The following UMAD1 variants were observed in gnomAD, a reference collection of about 807,000 sequenced individuals.
The protein encoded by UMAD1 is UBAP1-MVB12-associated (UMA) domain containing 1, also known as UBAP1-MVB12-associated (UMA)-domain containing protein 1.
UMAD1 carries 8 observed loss-of-function variants against 6.1 expected under a neutral mutation model. The observed-to-expected ratio is 1.30, with a 90% CI of 0.76 to 2.35. The LOEUF (loss-of-function observed/expected upper bound fraction) is 2.35, where lower values mean the gene tolerates loss of function less well. UMAD1 is among the 30% of genes most tolerant of loss of function. UMAD1 has a pLI of 0.00. For missense variants in UMAD1, 130 were observed against 78.4 expected, an observed-to-expected ratio of 1.66 and a Z score of -2.49; for synonymous variants, 56 against 31.4, an observed-to-expected ratio of 1.78 and a Z score of -2.61.
chr7:7,749,579 G>C (rs1781638756), intron 2 of UMAD1, among the ~76,000 whole-genome samples: 1 of 152,130 alleles, frequency 6.6e-6, no homozygotes, highest in Admixed American at 6.5e-5. Context: ...GCTTCCTTCA[G>C]AAAAGTGAGA....
intron 1 of UMAD1, among the ~76,000 whole-genome samples, chr7:7,665,019 A>C (rs764432635): frequency 5.6e-5 from 8 of 141,910 alleles, no homozygotes; most frequent in African/African-American, 2.1e-4. Context: ...ATATATACAC[A>C]CACACACACA....
chr7:7,668,358 C>G (rs1399844331), intron 1 of UMAD1, among the ~76,000 whole-genome samples: 2 of 151,948 alleles, frequency 1.3e-5, no homozygotes, highest in Non-Finnish European at 2.9e-5. Context: ...CTTATGGCAA[C>G]TAAGTAAAAA....
chr7:7,709,711 T>G (rs1780702877), intron 2 of UMAD1, among the ~76,000 whole-genome samples: 1 of 152,226 alleles, frequency 6.6e-6, no homozygotes, highest in African/African-American at 2.4e-5. Flanking sequence ...ATCTTTAAAG[T>G]GACATCTTAC....
At chr7:7,691,197 C>T (rs1003416004) in intron 2 of UMAD1, among the ~76,000 whole-genome samples, 27 of 151,990 alleles carry the variant, frequency 1.8e-4, no homozygotes, top group Non-Finnish European at 3.7e-4. Context: ...TCCTTAAATT[C>T]TAGAAAGAGC....
chr7:7,878,694 G>C lies in UMAD1; in HGVS notation c.*1156G>C, dbSNP rs180845079. The C allele has an allele frequency of 2.0e-5, 3 of 149,710 alleles. No homozygotes were observed. Among genetic ancestry groups the C allele is most frequent in the African/African-American group, 7.2e-5 (3 of 41,380 alleles). The allele number at this position is 149,710 out of a possible 1,614,324, so 9.3% of individuals were successfully genotyped here. On this transcript the variant is annotated 3_prime_UTR_variant, in exon 4 of 4. Coordinates refer to ENST00000682710, the MANE Select transcript of UMAD1 (RefSeq NM_001302348.2). Reference sequence around the variant, plus strand: ...AGTTTTAAGTATATTTTTTCACAAAGATAGAGTGCCATAGTGAAACTAAAC... The same window carrying C: ...AGTTTTAAGTATATTTTTTCACAAACATAGAGTGCCATAGTGAAACTAAAC...
intron 3 of UMAD1, among the ~76,000 whole-genome samples, chr7:7,867,715 C>T (rs1257429778): frequency 1.3e-5 from 2 of 151,758 alleles, no homozygotes; most frequent in Non-Finnish European, 2.9e-5. Context: ...GTCTCAGCCT[C>T]GCTGTGAAAA....
At chr7:7,870,319 T>C (rs1370476621) in intron 3 of UMAD1, among the ~76,000 whole-genome samples, 3 of 152,202 alleles carry the variant, frequency 2.0e-5, no homozygotes, top group Non-Finnish European at 2.9e-5. Context: ...GCTAGGTTTA[T>C]GAAGAAACTA....
chr7:7,849,232 C>G (rs892685042), intron 3 of UMAD1, among the ~76,000 whole-genome samples: 1 of 152,128 alleles, frequency 6.6e-6, no homozygotes, highest in African/African-American at 2.4e-5. Flanking sequence ...ACTGCCCATC[C>G]CATTTCTTTT....
At chr7:7,737,557 T>A (rs6958302) in intron 2 of UMAD1, among the ~76,000 whole-genome samples, 45,044 of 151,964 alleles carry the variant, frequency 0.3, 7,675 homozygotes, top group African/African-American at 0.48. Flanking sequence ...ATGAAGAACT[T>A]AACCACTGGG....
intron 2 of UMAD1, among the ~76,000 whole-genome samples, chr7:7,712,724 A>G (rs558650699): frequency 6.6e-6 from 1 of 152,318 alleles, no homozygotes; most frequent in African/African-American, 2.4e-5. Context: ...AGAAGTGTCA[A>G]AGAAAACATC....
At chr7:7,860,662 T>C (rs1583878976) in intron 3 of UMAD1, among the ~76,000 whole-genome samples, 1 of 148,158 alleles carries the variant, frequency 6.7e-6, no homozygotes, top group Non-Finnish European at 1.5e-5. Flanking sequence ...GTAGTCCCAG[T>C]TACTCGGGAG....
At chr7:7,712,928 T>G (rs13242539) in intron 2 of UMAD1, among the ~76,000 whole-genome samples, 24,914 of 152,170 alleles carry the variant, frequency 0.16, 2,343 homozygotes, top group South Asian at 0.2. Flanking sequence ...AAAATTATCT[T>G]GGCCTCGTGT....
intron 1 of UMAD1, among the ~76,000 whole-genome samples, chr7:7,657,323 C>G (rs1284470591): frequency 6.6e-6 from 1 of 152,186 alleles, no homozygotes; most frequent in Non-Finnish European, 1.5e-5. Flanking sequence ...TTAATTAGAT[C>G]CCATTTGTCA....
intron 2 of UMAD1, among the ~76,000 whole-genome samples, chr7:7,722,579 C>A (rs1781071812): frequency 6.6e-6 from 1 of 152,114 alleles, no homozygotes; most frequent in African/African-American, 2.4e-5. Context: ...GTTCACTGGA[C>A]AAAGTGATGA....
chr7:7,728,205 A>T (rs1781177691), intron 2 of UMAD1, among the ~76,000 whole-genome samples: 1 of 152,170 alleles, frequency 6.6e-6, no homozygotes. Context: ...TAACTGTAGG[A>T]ATCTTTATAG....
At chr7:7,671,219 C>G (rs1779598083) in intron 1 of UMAD1, among the ~76,000 whole-genome samples, 1 of 152,146 alleles carries the variant, frequency 6.6e-6, no homozygotes, top group Non-Finnish European at 1.5e-5. Context: ...GTGTCAATAG[C>G]CAGACCTAAA....
intron 1 of UMAD1, among the ~76,000 whole-genome samples, chr7:7,645,948 G>C (rs983153701): frequency 9.9e-5 from 15 of 152,172 alleles, no homozygotes; most frequent in African/African-American, 3.1e-4. Context: ...GTGGGACTTG[G>C]AACCAGGGTG....
intron 2 of UMAD1, among the ~76,000 whole-genome samples, chr7:7,790,417 C>A (rs1452227341): frequency 6.6e-6 from 1 of 152,158 alleles, no homozygotes; most frequent in Non-Finnish European, 1.5e-5. Flanking sequence ...ATTCTGTCTG[C>A]GTATTGTAGC....
intron 2 of UMAD1, among the ~76,000 whole-genome samples, chr7:7,773,452 CACTT>C (rs1350874316): frequency 6.6e-6 from 1 of 152,126 alleles, no homozygotes; most frequent in African/African-American, 2.4e-5. Context: ...GAAGAGCATA[CACTT>C]ACTTTATGCA....
Sources: allele counts gnomAD v4.1 joint callset (sites outside exome capture counted in the v4.1 genomes callset), GRCh38; gene constraint gnomAD v4.1.1; transcripts MANE v1.5; gene names NCBI Gene and HGNC (gene_info 2026-07-23, HGNC 2026-07-21).